Variants in KCNQ5 observed in about 807,000 individuals in gnomAD.
KCNQ5 encodes the protein potassium voltage-gated channel subfamily KQT member 5.
KCNQ5 carries 30 observed loss-of-function variants against 98.2 expected under a neutral mutation model. The ratio of observed to expected loss-of-function variants is 0.31; its 90% CI spans 0.23 to 0.41. The LOEUF is 0.41. Ranked by LOEUF, KCNQ5 falls within the 10% of genes least tolerant of loss-of-function variation. The pLI is 1.00. For synonymous variants in KCNQ5, 458 were observed against 449.4 expected, an observed-to-expected ratio of 1.02 and a Z score of -0.24; for missense variants, 835 against 1,182.5, an observed-to-expected ratio of 0.71 and a Z score of 4.31.
In KCNQ5 at chr6:73,010,210, G is replaced by T. The variant is rs192990162; in HGVS notation, c.489+6212G>T. Among the ~76,000 whole-genome samples, 22 of 152,154 alleles carry T rather than the reference G, an allele frequency of 1.4e-4. 1 individual carries two copies. In the East Asian group the frequency reaches 4.1e-3, roughly 28 times the overall value. Reference sequence around the variant, plus strand: ...AAGAATAATTCAACACACAAAAATTGATCAGTGTTATAGGCCACATTAACA... The same window carrying T: ...AAGAATAATTCAACACACAAAAATTTATCAGTGTTATAGGCCACATTAACA... On this transcript the variant is annotated intron_variant, in intron 2 of 13. Transcript: ENST00000370398.
rs185095340 is a variant in KCNQ5 at position 72,874,357 on chromosome 6, C to T, written c.399-129551C>T. ...GAAGAGATAAATATGCACTAAATTT[C>T]TTAGATCAGATAAGGTAACAAAGTT... On this transcript the variant is annotated intron_variant, in intron 1 of 13. Coordinates refer to ENST00000370398, the MANE Select transcript of KCNQ5 (RefSeq NM_019842.4). Among the ~76,000 whole-genome samples, 1,011 of 152,072 alleles carry T rather than the reference C, an allele frequency of 6.6e-3. 6 individuals carry two copies. Among genetic ancestry groups the T allele is most frequent in the Non-Finnish European group, 9.8e-3 (669 of 67,970 alleles).
rs75892321 is a variant in KCNQ5, at chr6:72,647,587, C to T, written c.398+25000C>T. ...AGGCAGAGATTAGCTTGTTCCTCAA[C>T]TTCCCTAGGTTTCTGATAGCTGTTC... On this transcript the variant is annotated intron_variant, in intron 1 of 13. Coordinates refer to ENST00000370398, the MANE Select transcript of KCNQ5 (RefSeq NM_019842.4). Among the ~76,000 whole-genome samples the T allele has an allele frequency of 2.9e-3, 438 of 152,230 alleles. 1 individual carries two copies. Among genetic ancestry groups the T allele is most frequent in the African/African-American group, 9.7e-3 (402 of 41,558 alleles).
intron 1 of KCNQ5, among the ~76,000 whole-genome samples, chr6:72,683,647 G>A (rs577282798): frequency 1.3e-5 from 2 of 151,970 alleles, no homozygotes; most frequent in East Asian, 1.9e-4. Flanking sequence ...GATTACAGGC[G>A]TGAGCTACTG....
At chr6:73,038,715 C>G (rs545507750) in intron 2 of KCNQ5, among the ~76,000 whole-genome samples, 3 of 151,932 alleles carry the variant, frequency 2.0e-5, no homozygotes, top group African/African-American at 7.2e-5. Context: ...TCCTACTTGC[C>G]TATATATTGA....
At chr6:72,860,838 T>C (rs374211925) in intron 1 of KCNQ5, among the ~76,000 whole-genome samples, 14 of 88,584 alleles carry the variant, frequency 1.6e-4, no homozygotes, top group African/African-American at 4.7e-4. Context: ...TTTTAAGGCA[T>C]GTGTGTGTGT....
chr6:73,147,629 T>C (rs1460635681), intron 10 of KCNQ5, among the ~76,000 whole-genome samples: 1 of 152,178 alleles, frequency 6.6e-6, no homozygotes, highest in East Asian at 1.9e-4. Context: ...GTTTACTATA[T>C]GACAGCACAG....
At chr6:73,058,162 C>G (rs988458136) in intron 3 of KCNQ5, among the ~76,000 whole-genome samples, 2 of 152,156 alleles carry the variant, frequency 1.3e-5, no homozygotes, top group Non-Finnish European at 2.9e-5. Context: ...CCTGTAATTC[C>G]AGCACTTTGG....
chr6:73,063,374 C>A (rs1772870830), intron 3 of KCNQ5, among the ~76,000 whole-genome samples: 1 of 152,088 alleles, frequency 6.6e-6, no homozygotes, highest in African/African-American at 2.4e-5. Flanking sequence ...GAATTCTGAT[C>A]CTGTTTCTGG....
chr6:72,810,722 A>C (rs549380285), intron 1 of KCNQ5, among the ~76,000 whole-genome samples: 2 of 152,318 alleles, frequency 1.3e-5, no homozygotes, highest in Admixed American at 1.3e-4. Flanking sequence ...CATGGCTATA[A>C]AAATAAAGTG....
In KCNQ5 at chr6:73,195,440, G is replaced by A. The variant is rs112928094; in HGVS notation, c.*26G>A. The A allele has an allele frequency of 8.0e-5, 128 of 1,603,242 alleles. 1 individual carries two copies. In the African/African-American group the frequency reaches 1.3e-3, roughly 16 times the overall value. ...GTTCTTCATTTTCTTTCCAGGCATA[G>A]CAGTTCTTTAGCCATACATATCATT... On this transcript the variant is annotated 3_prime_UTR_variant, in exon 14 of 14. Transcript: ENST00000370398.
At chr6:73,031,684 C>T (rs1771153660) in intron 2 of KCNQ5, among the ~76,000 whole-genome samples, 1 of 152,138 alleles carries the variant, frequency 6.6e-6, no homozygotes, top group Non-Finnish European at 1.5e-5. Flanking sequence ...TTATAAACTC[C>T]TCGAGGGTGA....
intron 2 of KCNQ5, among the ~76,000 whole-genome samples, chr6:73,017,786 C>T (rs1418901579): frequency 6.6e-6 from 1 of 152,096 alleles, no homozygotes; most frequent in African/African-American, 2.4e-5. Context: ...GATTCAGTGC[C>T]GCAAGGTCTC....
rs117838544 is a variant in KCNQ5, at chr6:72,670,063, T to C, written c.398+47476T>C. Among the ~76,000 whole-genome samples, 1,020 of 152,286 alleles carry C rather than the reference T, an allele frequency of 6.7e-3. 4 individuals are homozygous for C. Among genetic ancestry groups the C allele is most frequent in the South Asian group, 9.1e-3 (44 of 4,820 alleles). On this transcript the variant is annotated intron_variant, in intron 1 of 13. Transcript: ENST00000370398. Reference sequence around the variant, plus strand: ...AGAACCAAAGCTACACGTTTAATACTCTGCTGAGTGTCCAGTTTTATTGCT... The same window carrying C: ...AGAACCAAAGCTACACGTTTAATACCCTGCTGAGTGTCCAGTTTTATTGCT...
chr6:73,099,635 C>A (rs1053360567), intron 5 of KCNQ5, among the ~76,000 whole-genome samples: 2 of 151,990 alleles, frequency 1.3e-5, no homozygotes, highest in African/African-American at 4.8e-5. Context: ...GATATAACAA[C>A]TATAAATATA....
intron 3 of KCNQ5, among the ~76,000 whole-genome samples, chr6:73,042,893 C>T (rs369146445): frequency 6.6e-6 from 1 of 152,096 alleles, no homozygotes; most frequent in African/African-American, 2.4e-5. Context: ...AAATTTGGCT[C>T]TCTTGCTTTT....
Position 72,835,068 on chromosome 6 carries a change from CT to C in KCNQ5, c.399-168832del, listed in dbSNP as rs200473348. On this transcript the variant is annotated intron_variant, in intron 1 of 13. Transcript: ENST00000370398. ...ACTCAGGAATATGTTCAAGTGGTAACTTTTTTTTCTTTACAAGCAGGGTACA... is the reference window on the plus strand; with the variant it reads ...ACTCAGGAATATGTTCAAGTGGTAACTTTTTTTCTTTACAAGCAGGGTACA... Among the ~76,000 whole-genome samples the C allele has an allele frequency of 7.6e-3, 1,151 of 152,114 alleles. 17 individuals carry two copies. Among genetic ancestry groups the C allele is most frequent in the African/African-American group, 0.025 (1,054 of 41,498 alleles).
At position 73,164,982 on chromosome 6, in the gene KCNQ5, C is replaced by CT. The variant is rs1223984414; in HGVS notation, c.1469-4752dup. Among the ~76,000 whole-genome samples the CT allele has an allele frequency of 3.8e-3, 543 of 144,454 alleles. 4 individuals are homozygous for CT. The highest frequency in any genetic ancestry group is 9.9e-3 in the African/African-American group (391 of 39,540). 94.8% of individuals were successfully genotyped at this position (144,454 alleles called of 152,430 possible). On this transcript the variant is annotated intron_variant, in intron 10 of 13. Transcript: ENST00000370398. ...CTCTTGTGAATTCTGTACTGGGAAT[C>CT]TTTTTTTTTTTTAAGAGAGTGGGTC...
chr6:73,179,313 G>A (rs1220766410), intron 11 of KCNQ5, among the ~76,000 whole-genome samples: 2 of 152,066 alleles, frequency 1.3e-5, no homozygotes, highest in Admixed American at 1.3e-4. Flanking sequence ...GCAGCACAGG[G>A]CATCACATAG....
At chr6:72,981,661 A>G (rs2150298195) in intron 1 of KCNQ5, among the ~76,000 whole-genome samples, 1 of 152,204 alleles carries the variant, frequency 6.6e-6, no homozygotes, top group South Asian at 2.1e-4. Context: ...TAACTCCTTC[A>G]GTTCTGCTCT....
Sources: gnomAD v4.1 joint callset for allele counts (sites outside exome capture counted in the v4.1 genomes callset) on GRCh38, gnomAD v4.1.1 for gene constraint, MANE v1.5 for transcripts, NCBI Gene and HGNC (gene_info 2026-07-23, HGNC 2026-07-21) for gene names.